The following FIGN variants were observed in gnomAD, a reference collection of about 807,000 sequenced individuals.
FIGN encodes the protein fidgetin.
In FIGN, 11 loss-of-function variants were observed where a neutral mutation model predicts 51.3. That is an observed-to-expected ratio of 0.21 (90% CI 0.13 to 0.35). The LOEUF (loss-of-function observed/expected upper bound fraction) is 0.35, where lower values mean the gene tolerates loss of function less well. FIGN is among the 10% of genes least tolerant of loss of function. The pLI is 1.00. For missense variants in FIGN, 857 were observed against 943.6 expected (o/e 0.91, Z 1.20); for synonymous variants, 407 against 363.2 (o/e 1.12, Z -1.37).
intron 2 of FIGN, among the ~76,000 whole-genome samples, chr2:163,710,241 T>C (rs1348166652): frequency 1.3e-5 from 2 of 152,170 alleles, no homozygotes; most frequent in Admixed American, 6.6e-5. Flanking sequence ...TAGTCATCCA[T>C]TCACTCTCTA....
At chr2:163,636,881 C>T (rs1683233553) in intron 2 of FIGN, among the ~76,000 whole-genome samples, 1 of 151,956 alleles carries the variant, frequency 6.6e-6, no homozygotes, top group Admixed American at 6.6e-5. Flanking sequence ...CTTTCACTAC[C>T]AGCCTGGCCA....
chr2:163,683,656 C>T (rs572796679), intron 2 of FIGN, among the ~76,000 whole-genome samples: 1 of 152,090 alleles, frequency 6.6e-6, no homozygotes, highest in Non-Finnish European at 1.5e-5. Context: ...GCCTGGGGAG[C>T]TTTAAAAAAT....
chr2:163,702,198 A>G (rs752087392), intron 2 of FIGN, among the ~76,000 whole-genome samples: 1 of 152,146 alleles, frequency 6.6e-6, no homozygotes, highest in Non-Finnish European at 1.5e-5. Flanking sequence ...GGCCCCTTCC[A>G]ATGCCTGTAC....
intron 2 of FIGN, among the ~76,000 whole-genome samples, chr2:163,628,833 C>G (rs1000186546): frequency 6.6e-6 from 1 of 152,098 alleles, no homozygotes; most frequent in Admixed American, 6.6e-5. Context: ...CCTCAAAAAG[C>G]CCAGGGAGGG....
At chr2:163,657,712 A>T (rs1336037164) in intron 2 of FIGN, among the ~76,000 whole-genome samples, 1 of 152,164 alleles carries the variant, frequency 6.6e-6, no homozygotes, top group Non-Finnish European at 1.5e-5. Flanking sequence ...CTCATTACAC[A>T]TTTTAGTAGG....
chr2:163,636,184 G>A (rs1429155192), intron 2 of FIGN, among the ~76,000 whole-genome samples: 1 of 152,136 alleles, frequency 6.6e-6, no homozygotes, highest in Admixed American at 6.5e-5. Context: ...TGTTACTGTA[G>A]ATTTTCTCTT....
At chr2:163,648,170 C>G (rs988154460) in intron 2 of FIGN, among the ~76,000 whole-genome samples, 1 of 152,096 alleles carries the variant, frequency 6.6e-6, no homozygotes, top group East Asian at 1.9e-4. Flanking sequence ...CCTGCACCCC[C>G]ACCCTTCCAC....
intron 2 of FIGN, among the ~76,000 whole-genome samples, chr2:163,714,687 C>A (rs1026389587): frequency 1.3e-5 from 2 of 152,158 alleles, no homozygotes; most frequent in Non-Finnish European, 2.9e-5. Flanking sequence ...CTTTGGCAAT[C>A]CTCTAGAACT....
At chr2:163,668,678 C>T (rs1209253501) in intron 2 of FIGN, among the ~76,000 whole-genome samples, 2 of 152,176 alleles carry the variant, frequency 1.3e-5, no homozygotes, top group Non-Finnish European at 2.9e-5. Flanking sequence ...CAGTGGCTCA[C>T]GCCTGTAATC....
chr2:163,611,243 T>C lies in FIGN; in HGVS notation c.589A>G (p.Thr197Ala). The change falls in exon 3 of 3, where the codon ACT becomes GCT. Residue 197 changes from threonine (T) to alanine (A), a missense_variant. Physicochemically the swap from Thr to Ala is moderately conservative, Grantham distance 58. This residue lies in a region of FIGN where 799 missense variants were observed against 849.5 expected (regional missense o/e 0.94). Transcript: ENST00000333129. ...PGYNGSYLHS[T>A]YSSQPAPALP... Reference sequence around the variant, plus strand: ...GCAGGTGCTGGCTGGCTACTATAAGTAGAATGCAAATATGATCCGTTGTAT... The same window carrying C: ...GCAGGTGCTGGCTGGCTACTATAAGCAGAATGCAAATATGATCCGTTGTAT... 3.7e-6 allele frequency: 6 copies of C among 1,613,996 alleles called. No homozygotes were observed. The highest frequency in any genetic ancestry group is 5.1e-6 in the Non-Finnish European group (6 of 1,179,984).
Position 163,609,256 on chromosome 2 carries a change from C to T in FIGN, c.*296G>A. 1 of 342,414 alleles carries T rather than the reference C, an allele frequency of 2.9e-6. No homozygotes were observed. The highest frequency in any genetic ancestry group is 5.3e-6 in the Non-Finnish European group (1 of 189,066). 21.2% of individuals were successfully genotyped at this position (342,414 alleles called of 1,614,324 possible). A position where few individuals can be genotyped will look rare whatever the true frequency, so the allele number is the denominator to read the frequency against. ...CAGAATGGAATCAACACACGAGGTTCATGTCCTTCTGAAATCAACACACTT... is the reference window on the plus strand; with the variant it reads ...CAGAATGGAATCAACACACGAGGTTTATGTCCTTCTGAAATCAACACACTT... On this transcript the variant is annotated 3_prime_UTR_variant, in exon 3 of 3. Transcript: ENST00000333129.
intron 2 of FIGN, among the ~76,000 whole-genome samples, chr2:163,617,438 A>G (rs1481073278): frequency 6.6e-6 from 1 of 152,124 alleles, no homozygotes; most frequent in Admixed American, 6.6e-5. Context: ...TCACAATTTC[A>G]CAGTCTAAAT....
At chr2:163,639,972 A>G (rs969965005) in intron 2 of FIGN, among the ~76,000 whole-genome samples, 1 of 152,158 alleles carries the variant, frequency 6.6e-6, no homozygotes, top group African/African-American at 2.4e-5. Flanking sequence ...TATTGTTATT[A>G]TCATCATCTG....
chr2:163,681,319 GT>G (rs1290893532), intron 2 of FIGN, among the ~76,000 whole-genome samples: 13 of 152,172 alleles, frequency 8.5e-5, no homozygotes, highest in Non-Finnish European at 1.9e-4. Context: ...TGGAGTTCAT[GT>G]AGCCCCTTTA....
rs540093703 is a variant in FIGN, at chr2:163,622,074, T to G, written c.26-10268A>C. On this transcript the variant is annotated intron_variant, in intron 2 of 2. Coordinates refer to ENST00000333129, the MANE Select transcript of FIGN (RefSeq NM_018086.4). ...CACATGAAAAACATACAGATTCCTC[T>G]TCTTTTGCTCATGGTTCTCCAATTA... Among the ~76,000 whole-genome samples the G allele has an allele frequency of 9.2e-5, 14 of 152,334 alleles. No homozygotes were observed. In the East Asian group the frequency reaches 2.7e-3, roughly 29 times the overall value.
At chr2:163,681,342 A>G (rs1261091658) in intron 2 of FIGN, among the ~76,000 whole-genome samples, 1 of 152,142 alleles carries the variant, frequency 6.6e-6, no homozygotes, top group East Asian at 1.9e-4. Flanking sequence ...AGAGGAAGAA[A>G]TAGGTTCCAA....
chr2:163,716,855 GACCTCTT>G lies in FIGN; in HGVS notation c.25+18041_25+18047del, dbSNP rs142657298. Reference sequence around the variant, plus strand: ...CGTCAAAATTTATCCTAAAGCAAGTGACCTCTTACACATGCTGAAGAAATACAGCACC... The same window carrying G: ...CGTCAAAATTTATCCTAAAGCAAGTGACACATGCTGAAGAAATACAGCACC... On this transcript the variant is annotated intron_variant, in intron 2 of 2. Coordinates refer to ENST00000333129, the MANE Select transcript of FIGN (RefSeq NM_018086.4). Among the ~76,000 whole-genome samples the G allele has an allele frequency of 4.7e-3, 721 of 152,156 alleles. 3 individuals carry two copies. The highest frequency in any genetic ancestry group is 0.011 in the Admixed American group (171 of 15,276).
intron 2 of FIGN, among the ~76,000 whole-genome samples, chr2:163,662,804 G>A (rs760313689): frequency 7.9e-5 from 12 of 152,188 alleles, no homozygotes; most frequent in Non-Finnish European, 1.3e-4. Flanking sequence ...GAATCATGGG[G>A]GCTGGTCTTT....
rs578094961 is a variant in FIGN at position 163,605,332 on chromosome 2, T to C, written c.*4220A>G. 3.9e-5 allele frequency: 6 copies of C among 152,184 alleles called. No individual in the cohort carries two copies. In the East Asian group the frequency reaches 1.2e-3, roughly 29 times the overall value. 9.4% of individuals were successfully genotyped at this position (152,184 alleles called of 1,614,324 possible). On this transcript the variant is annotated 3_prime_UTR_variant, in exon 3 of 3. Coordinates refer to ENST00000333129, the MANE Select transcript of FIGN (RefSeq NM_018086.4). ...AAAGTGTGAGCTTCAGTTCATGTGTTGGTTAGTCACAAGTACAGCTGGTTG... is the reference window on the plus strand; with the variant it reads ...AAAGTGTGAGCTTCAGTTCATGTGTCGGTTAGTCACAAGTACAGCTGGTTG...
Sources: gnomAD v4.1 joint callset for allele counts (sites outside exome capture counted in the v4.1 genomes callset) on GRCh38, gnomAD v4.1.1 for gene constraint, gnomAD v4.1.1 regional missense constraint, MANE v1.5 for transcripts, NCBI Gene and HGNC (gene_info 2026-07-23, HGNC 2026-07-21) for gene names.